Variants in CCDC191 observed in about 807,000 individuals in gnomAD.
CCDC191 encodes the protein coiled-coil domain containing 191.
In CCDC191, 99 loss-of-function variants were observed where a neutral mutation model predicts 114.0. That is an observed-to-expected ratio of 0.87 (90% CI 0.74 to 1.03). CCDC191 has a LOEUF of 1.03. CCDC191 is among the 50% of genes least tolerant of loss of function. The pLI, the probability that CCDC191 is intolerant of heterozygous loss-of-function variation, is 0.00. For missense variants in CCDC191, 973 were observed against 1,087.0 expected, an observed-to-expected ratio of 0.90 and a Z score of 1.47; for synonymous variants, 351 against 376.0, an observed-to-expected ratio of 0.93 and a Z score of 0.77.
At chr3:114,002,645 G>A in intron 11 of CCDC191, 107 bp from the exon 12 acceptor site, 7 of 1,248,056 alleles carry the variant, frequency 5.6e-6, no homozygotes, top group Admixed American at 3.1e-5. Flanking sequence ...TTATTATTAG[G>A]GTTTTCTTGT....
chr3:113,981,333 A>G (rs2075141967), intron 13 of CCDC191, among the ~76,000 whole-genome samples: 2 of 152,160 alleles, frequency 1.3e-5, no homozygotes, highest in Admixed American at 6.5e-5. Context: ...ATTCCTGGTA[A>G]TACACTGAGA....
chr3:113,972,594 T>C (rs1940934199), intron 16 of CCDC191, among the ~76,000 whole-genome samples: 1 of 152,148 alleles, frequency 6.6e-6, no homozygotes, highest in South Asian at 2.1e-4. Flanking sequence ...CTATTTGGCC[T>C]GGTTTCTGGT....
At chr3:113,982,655 G>A (rs1365175564) in intron 13 of CCDC191, among the ~76,000 whole-genome samples, 4 of 151,888 alleles carry the variant, frequency 2.6e-5, no homozygotes, top group East Asian at 1.9e-4. Context: ...AAAAGTACAG[G>A]GCAATTGACA....
intron 13 of CCDC191, chr3:113,984,473 A>T (rs1458109297): frequency 2.6e-5 from 4 of 151,936 alleles, no homozygotes; most frequent in African/African-American, 9.7e-5. Flanking sequence ...AAAGTTATAT[A>T]AAGCATATAA....
chr3:114,002,334 C>T (rs930146509), intron 12 of CCDC191, 122 bp downstream of exon 12: 1 of 665,314 alleles, frequency 1.5e-6, no homozygotes, highest in African/African-American at 1.9e-5. Context: ...GCCAAAAAAC[C>T]ATTTCCAAAG....
At chr3:113,987,573 AT>A (rs149999452) in intron 13 of CCDC191, among the ~76,000 whole-genome samples, 2,978 of 152,284 alleles carry the variant, frequency 0.02, 46 homozygotes, top group South Asian at 0.032. Context: ...AGAGATCATT[AT>A]TATTATTTGA....
rs1257057809 is a variant in CCDC191 at position 114,018,659 on chromosome 3, A to G, written c.1163+19T>C. The G allele has an allele frequency of 6.3e-7, 1 of 1,586,030 alleles. No homozygotes were observed. Among genetic ancestry groups the G allele is most frequent in the Admixed American group, 1.8e-5 (1 of 56,798 alleles). Reference sequence around the variant, plus strand: ...TCCTAGATAAACATACTAGATTTTCACAATACAAATAATGATACCTGTTTT... The same window carrying G: ...TCCTAGATAAACATACTAGATTTTCGCAATACAAATAATGATACCTGTTTT... On this transcript the variant is annotated intron_variant, in intron 8 of 16. Coordinates refer to ENST00000295878, the MANE Select transcript of CCDC191 (RefSeq NM_020817.2).
intron 13 of CCDC191, among the ~76,000 whole-genome samples, chr3:113,998,910 G>C (rs570152800): frequency 6.6e-6 from 1 of 152,294 alleles, no homozygotes; most frequent in East Asian, 1.9e-4. Context: ...CAGCAAAGAA[G>C]TATAGCAATG....
intron 13 of CCDC191, among the ~76,000 whole-genome samples, chr3:113,982,110 T>G (rs565347813): frequency 6.6e-6 from 1 of 152,202 alleles, no homozygotes; most frequent in African/African-American, 2.4e-5. Context: ...ACAAAAGAAC[T>G]TGTTCCCATG....
At chr3:114,046,788 G>C in intron 2 of CCDC191, 56 bp from the exon 3 acceptor site, 3 of 1,523,854 alleles carry the variant, frequency 2.0e-6, no homozygotes, top group Non-Finnish European at 2.6e-6. Context: ...TGTTCAGTTA[G>C]AGAATTTCTC....
rs1253266754 is a variant in CCDC191, at chr3:114,053,577, T to C, written c.129+20A>G. ...TTGACTCTTAATACTCTTTTTATTC[T>C]AAATTTGAAATATCCTTACCTTTAT... On this transcript the variant is annotated intron_variant, in intron 2 of 16. Coordinates refer to ENST00000295878, the MANE Select transcript of CCDC191 (RefSeq NM_020817.2). 6.7e-7 allele frequency: 1 copy of C among 1,502,682 alleles called. No homozygotes were observed. The highest frequency in any genetic ancestry group is 1.4e-5 in the African/African-American group (1 of 72,118). The allele number at this position is 1,502,682 out of a possible 1,614,324, so 93.1% of individuals were successfully genotyped here.
intron 16 of CCDC191, among the ~76,000 whole-genome samples, chr3:113,968,495 C>T (rs1489980578): frequency 6.6e-6 from 1 of 151,824 alleles, no homozygotes; most frequent in Non-Finnish European, 1.5e-5. Context: ...GTCGCCCAGG[C>T]TGGACTGTAG....
At chr3:114,038,713 T>C (rs2076520582) in intron 4 of CCDC191, among the ~76,000 whole-genome samples, 1 of 152,202 alleles carries the variant, frequency 6.6e-6, no homozygotes, top group African/African-American at 2.4e-5. Context: ...TAAAAAGGAA[T>C]GAGATCATGT....
At chr3:114,010,667 ATCT>A in intron 9 of CCDC191, 102 bp downstream of exon 9, 1 of 1,125,192 alleles carries the variant, frequency 8.9e-7, no homozygotes, top group East Asian at 2.4e-5. Context: ...GGCAGCTCTA[ATCT>A]TCTGATAGCC....
intron 7 of CCDC191, among the ~76,000 whole-genome samples, chr3:114,028,378 T>C (rs984445423): frequency 4.7e-5 from 7 of 150,370 alleles, no homozygotes; most frequent in Admixed American, 1.3e-4. Context: ...CTCTGCCTCC[T>C]GGGTTCACGC....
intron 14 of CCDC191, 52 bp from the exon 15 acceptor site, chr3:113,979,062 A>C: frequency 1.3e-6 from 2 of 1,515,552 alleles, no homozygotes; most frequent in Non-Finnish European, 1.8e-6. Flanking sequence ...TAAATCATTT[A>C]AACAAACACA....
At chr3:114,040,718 A>C (rs1481800930) in intron 4 of CCDC191, among the ~76,000 whole-genome samples, 1 of 152,132 alleles carries the variant, frequency 6.6e-6, no homozygotes, top group African/African-American at 2.4e-5. Context: ...ATGTATTTTT[A>C]ATCCATTCTG....
chr3:114,015,654 C>T (rs534881972), intron 8 of CCDC191, among the ~76,000 whole-genome samples: 4 of 152,232 alleles, frequency 2.6e-5, no homozygotes, highest in Non-Finnish European at 5.9e-5. Context: ...TTCAATACCA[C>T]CATGTCAAAT....
intron 13 of CCDC191, among the ~76,000 whole-genome samples, chr3:113,998,851 T>C (rs2087162): frequency 0.54 from 82,293 of 152,058 alleles, 22,612 homozygotes; most frequent in African/African-American, 0.62. Flanking sequence ...CCTTATCTAC[T>C]GTCATAGTAT....
Sources: allele counts gnomAD v4.1 joint callset (sites outside exome capture counted in the v4.1 genomes callset), GRCh38; gene constraint gnomAD v4.1.1; transcripts MANE v1.5; gene names NCBI Gene and HGNC (gene_info 2026-07-23, HGNC 2026-07-21).